SLC44A1: variants seen among roughly 807,000 people sequenced by gnomAD.
SLC44A1 encodes the protein choline transporter-like protein 1.
SLC44A1 carries 26 observed loss-of-function variants against 79.3 expected under a neutral mutation model. That is an observed-to-expected ratio of 0.33 (90% confidence interval 0.24 to 0.46). The LOEUF (loss-of-function observed/expected upper bound fraction) is 0.46. Among genes scored for constraint, SLC44A1 ranks in the 20% least tolerant of loss-of-function variants. The pLI is 1.00. For synonymous variants in SLC44A1, 263 were observed against 286.2 expected (o/e 0.92, Z 0.82); for missense variants, 688 against 798.1 (o/e 0.86, Z 1.66).
intron 1 of SLC44A1, among the ~76,000 whole-genome samples, chr9:105,267,064 G>A (rs2131223033): frequency 6.6e-6 from 1 of 152,168 alleles, no homozygotes; most frequent in African/African-American, 2.4e-5. Context: ...TCCTTCAGTA[G>A]CTTACTGAGA....
At chr9:105,385,741 C>T (rs1257515747) in intron 15 of SLC44A1, 1 of 985,282 alleles carries the variant, frequency 1.0e-6, no homozygotes, top group East Asian at 1.1e-4. Flanking sequence ...CAGTGCTCGG[C>T]AGGGGCGGGT....
chr9:105,363,829 C>T (rs968307516), intron 9 of SLC44A1, among the ~76,000 whole-genome samples: 3 of 152,158 alleles, frequency 2.0e-5, no homozygotes, highest in African/African-American at 4.8e-5. Flanking sequence ...CCTGAAATTG[C>T]ACTCTAATTT....
chr9:105,414,521 CT>C (rs1022543142), intron 15 of SLC44A1, among the ~76,000 whole-genome samples: 2 of 152,088 alleles, frequency 1.3e-5, no homozygotes, highest in Non-Finnish European at 2.9e-5. Flanking sequence ...TAATTTATCC[CT>C]TTTTTTACGA....
chr9:105,262,588 T>C (rs1829867039), intron 1 of SLC44A1, among the ~76,000 whole-genome samples: 1 of 152,224 alleles, frequency 6.6e-6, no homozygotes, highest in African/African-American at 2.4e-5. Context: ...GTGGCTCTTT[T>C]GTTGCTCTTA....
intron 1 of SLC44A1, among the ~76,000 whole-genome samples, chr9:105,259,562 CAG>C (rs2081687937): frequency 1.3e-5 from 2 of 152,208 alleles, no homozygotes; most frequent in Non-Finnish European, 2.9e-5. Context: ...TTTAAAAACT[CAG>C]CATATTTAAG....
At chr9:105,274,189 C>G (rs1455485340) in intron 1 of SLC44A1, among the ~76,000 whole-genome samples, 1 of 152,156 alleles carries the variant, frequency 6.6e-6, no homozygotes, top group Admixed American at 6.5e-5. Flanking sequence ...TCGCATTTTA[C>G]CAGATGTTCC....
intron 15 of SLC44A1, 174 bp downstream of exon 15, chr9:105,385,676 G>T (rs1828609367): frequency 1.0e-6 from 1 of 985,308 alleles, no homozygotes; most frequent in Non-Finnish European, 1.2e-6. Context: ...CAGAATTCTT[G>T]TCACAACTGA....
Position 105,391,450 on chromosome 9 carries a change from G to A in SLC44A1, c.*2394G>A. 1.0e-6 allele frequency: 1 copy of A among 985,568 alleles called. No individual in the cohort carries two copies. The highest frequency in any genetic ancestry group is 1.2e-6 in the Non-Finnish European group (1 of 829,712). 61.1% of individuals were successfully genotyped at this position (985,568 alleles called of 1,614,324 possible). On this transcript the variant is annotated 3_prime_UTR_variant, in exon 16 of 16. Transcript: ENST00000374720. ...TATGTGTAACCATGTCATTTGAGTT[G>A]CAAATTAATTGCCAGGCTGTTTTCC...
At chr9:105,339,989 T>A (rs934008212) in intron 4 of SLC44A1, among the ~76,000 whole-genome samples, 29 of 152,144 alleles carry the variant, frequency 1.9e-4, no homozygotes, top group African/African-American at 7.0e-4. Context: ...GACTGCATAA[T>A]TCCACTTACA....
intron 1 of SLC44A1, among the ~76,000 whole-genome samples, chr9:105,287,110 A>T (rs1488907649): frequency 6.6e-6 from 1 of 152,236 alleles, no homozygotes; most frequent in Non-Finnish European, 1.5e-5. Context: ...CTTTTATATG[A>T]TAAGTTATTT....
intron 1 of SLC44A1, among the ~76,000 whole-genome samples, chr9:105,293,585 C>T (rs888547090): frequency 2.0e-5 from 3 of 152,176 alleles, no homozygotes; most frequent in African/African-American, 2.4e-5. Flanking sequence ...TGCATAATTG[C>T]CAGACCTTTT....
downstream of SLC44A1, among the ~76,000 whole-genome samples, chr9:105,402,003 G>C (rs924078733): frequency 1.3e-5 from 2 of 152,190 alleles, no homozygotes; most frequent in African/African-American, 4.8e-5. Flanking sequence ...TGATGAAGGG[G>C]TGGGAGGGTG....
chr9:105,361,848 T>TTA (rs1286487163), intron 8 of SLC44A1, among the ~76,000 whole-genome samples: 1 of 152,122 alleles, frequency 6.6e-6, no homozygotes, highest in East Asian at 1.9e-4. Context: ...AGCCCACGAG[T>TTA]TCTAGACCAA....
intron 6 of SLC44A1, chr9:105,357,280 A>G (rs1367466301): frequency 1.3e-5 from 2 of 152,184 alleles, no homozygotes; most frequent in Non-Finnish European, 2.9e-5. Flanking sequence ...AATGTTACCT[A>G]GACACAAATC....
intron 4 of SLC44A1, among the ~76,000 whole-genome samples, chr9:105,339,457 A>G (rs1005718718): frequency 6.6e-6 from 1 of 152,238 alleles, no homozygotes; most frequent in Non-Finnish European, 1.5e-5. Context: ...TTGCACAATC[A>G]TGTTCATTGT....
chr9:105,323,174 C>G (rs1189227862), intron 3 of SLC44A1, among the ~76,000 whole-genome samples: 1 of 147,166 alleles, frequency 6.8e-6, no homozygotes, highest in South Asian at 2.2e-4. Context: ...CGAGATCATG[C>G]CATTGCACTA....
intron 1 of SLC44A1, among the ~76,000 whole-genome samples, chr9:105,297,794 A>C (rs1830766601): frequency 6.6e-6 from 1 of 152,182 alleles, no homozygotes; most frequent in African/African-American, 2.4e-5. Context: ...TGCACTCTAT[A>C]TATACTAATT....
chr9:105,362,817 A>G lies in SLC44A1; in HGVS notation c.901-4A>G, dbSNP rs150556036. The G allele has an allele frequency of 1.5e-4, 232 of 1,581,574 alleles. 1 individual carries two copies. In the African/African-American group the frequency reaches 2.7e-3, roughly 18 times the overall value. ...TAATAACTGAAACCATTCTCTCCATACAGGTGATCTTATTCCTGATAATGT... is the reference window on the plus strand; with the variant it reads ...TAATAACTGAAACCATTCTCTCCATGCAGGTGATCTTATTCCTGATAATGT... On this transcript the variant is annotated splice_polypyrimidine_tract_variant and splice_region_variant and intron_variant, in intron 8 of 15. Coordinates refer to ENST00000374720, the MANE Select transcript of SLC44A1 (RefSeq NM_080546.5).
intron 1 of SLC44A1, among the ~76,000 whole-genome samples, chr9:105,264,866 G>C (rs909613916): frequency 6.6e-6 from 1 of 150,974 alleles, no homozygotes; most frequent in Non-Finnish European, 1.5e-5. Context: ...GTGCGATCTC[G>C]GCTCACCACA....
Sources: allele counts gnomAD v4.1 joint callset (sites outside exome capture counted in the v4.1 genomes callset), GRCh38; gene constraint gnomAD v4.1.1; transcripts MANE v1.5; gene names NCBI Gene and HGNC (gene_info 2026-07-23, HGNC 2026-07-21).